TPD52L1: variants seen among roughly 807,000 people sequenced by gnomAD.
The protein encoded by TPD52L1 is TPD52 like 1.
A neutral mutation model predicts 28.7 loss-of-function variants in TPD52L1; 18 were observed. The ratio of observed to expected loss-of-function variants is 0.63; its 90% CI spans 0.43 to 0.93. The LOEUF (loss-of-function observed/expected upper bound fraction) is 0.93, where lower values mean the gene tolerates loss of function less well. Ranked by LOEUF, TPD52L1 falls within the 40% of genes least tolerant of loss-of-function variation. The pLI is 0.00. For synonymous variants in TPD52L1, 75 were observed against 88.8 expected, an observed-to-expected ratio of 0.84 and a Z score of 0.88; for missense variants, 203 against 254.8, an observed-to-expected ratio of 0.80 and a Z score of 1.39.
chr6:125,253,552 C>A, intron 4 of TPD52L1, 165 bp from the exon 5 acceptor site: 1 of 636,952 alleles, frequency 1.6e-6, no homozygotes, highest in Non-Finnish European at 2.7e-6. Context: ...CTGACTATAC[C>A]CATTATACCC....
chr6:125,211,662 G>A (rs1040125301), intron 1 of TPD52L1, among the ~76,000 whole-genome samples: 6 of 152,154 alleles, frequency 3.9e-5, no homozygotes, highest in South Asian at 2.1e-4. Flanking sequence ...AGCATGTCAC[G>A]CATTAGAGTT....
chr6:125,178,952 C>A lies in TPD52L1; in HGVS notation c.19+24982C>A, dbSNP rs1011697717. On this transcript the variant is annotated intron_variant, in intron 1 of 6. Transcript: ENST00000534000. The stretch of plus-strand genomic sequence containing the variant: ...AACTTATTATTGTTTGTCCACAACT[C>A]CCTGACTTCCAAAGGGAAACTTGTA... Among the ~76,000 whole-genome samples the A allele has an allele frequency of 2.0e-5, 3 of 152,272 alleles. No individual in the cohort carries two copies. The East Asian group carries it at 5.8e-4, about 29-fold the overall frequency.
intron 1 of TPD52L1, among the ~76,000 whole-genome samples, chr6:125,175,637 A>G (rs1050535352): frequency 1.3e-5 from 2 of 152,276 alleles, no homozygotes; most frequent in East Asian, 1.9e-4. Flanking sequence ...GGGAGAGAGG[A>G]CAATATGCCT....
chr6:125,244,345 A>G (rs955260011), intron 3 of TPD52L1, among the ~76,000 whole-genome samples: 3 of 152,148 alleles, frequency 2.0e-5, no homozygotes, highest in Non-Finnish European at 4.4e-5. Flanking sequence ...TAGATGTAAT[A>G]CCCAATGGTG....
At chr6:125,236,354 C>T (rs916547666) in intron 3 of TPD52L1, among the ~76,000 whole-genome samples, 3 of 152,162 alleles carry the variant, frequency 2.0e-5, no homozygotes, top group African/African-American at 7.2e-5. Flanking sequence ...CAGATCACTG[C>T]ATATGCTCAC....
At position 125,209,236 on chromosome 6, in the gene TPD52L1, A is replaced by G. The variant is rs141066250; in HGVS notation, c.20-10842A>G. On this transcript the variant is annotated intron_variant, in intron 1 of 6. Coordinates refer to ENST00000534000, the MANE Select transcript of TPD52L1 (RefSeq NM_003287.4). The stretch of plus-strand genomic sequence containing the variant: ...CCTATGCTCTCAGGAGGCCCTAGCC[A>G]TGAAGGGCCAGGCACATTGAACCCA... Among the ~76,000 whole-genome samples, 246 of 152,346 alleles carry G rather than the reference A, an allele frequency of 1.6e-3. 1 individual carries two copies. The highest frequency in any genetic ancestry group is 5.8e-3 in the African/African-American group (242 of 41,592).
intron 5 of TPD52L1, 162 bp downstream of exon 5, chr6:125,253,917 T>A (rs972626225): frequency 1.2e-6 from 1 of 804,406 alleles, no homozygotes; most frequent in Non-Finnish European, 2.2e-6. Context: ...TTGCGTAGCT[T>A]GGGCTTTTGA....
intron 1 of TPD52L1, among the ~76,000 whole-genome samples, chr6:125,158,513 A>G (rs1243564691): frequency 6.6e-6 from 1 of 152,236 alleles, no homozygotes; most frequent in Non-Finnish European, 1.5e-5. Flanking sequence ...GGCAGTTTAT[A>G]TGGATACTTG....
chr6:125,226,075 A>G (rs1346611885), intron 2 of TPD52L1, among the ~76,000 whole-genome samples: 1 of 152,156 alleles, frequency 6.6e-6, no homozygotes, highest in Non-Finnish European at 1.5e-5. Context: ...GCCTTTTGGA[A>G]CCTTACACGT....
At chr6:125,191,450 A>C (rs962868480) in intron 1 of TPD52L1, among the ~76,000 whole-genome samples, 3 of 152,180 alleles carry the variant, frequency 2.0e-5, no homozygotes, top group African/African-American at 7.2e-5. Context: ...TTTTGAAAGG[A>C]AATGGTGAAG....
intron 2 of TPD52L1, among the ~76,000 whole-genome samples, chr6:125,228,566 C>T (rs142087731): frequency 3.3e-5 from 5 of 152,248 alleles, no homozygotes; most frequent in African/African-American, 7.2e-5. Flanking sequence ...TGAGACCAGG[C>T]GTGGTGGCTC....
chr6:125,231,924 G>A (rs1221559838), intron 3 of TPD52L1, among the ~76,000 whole-genome samples: 1 of 152,156 alleles, frequency 6.6e-6, no homozygotes, highest in Non-Finnish European at 1.5e-5. Context: ...CGTAAAGGCT[G>A]CAGGACAGCA....
chr6:125,219,862 T>G, intron 1 of TPD52L1: 3 of 554,216 alleles, frequency 5.4e-6, no homozygotes, highest in Non-Finnish European at 6.5e-6. Flanking sequence ...TGCCTTCTCA[T>G]TTTCTCTTAA....
At chr6:125,157,978 G>A (rs533115583) in intron 1 of TPD52L1, among the ~76,000 whole-genome samples, 3 of 152,170 alleles carry the variant, frequency 2.0e-5, no homozygotes, top group African/African-American at 7.2e-5. Context: ...CCCTCTTTCA[G>A]TTCCTGGTGG....
chr6:125,197,850 A>G (rs944523296), intron 1 of TPD52L1, among the ~76,000 whole-genome samples: 2 of 152,176 alleles, frequency 1.3e-5, no homozygotes, highest in Admixed American at 6.5e-5. Context: ...GGATGTTACA[A>G]CAGGGTGTGA....
At chr6:125,186,880 A>G (rs746757252) in intron 1 of TPD52L1, among the ~76,000 whole-genome samples, 1 of 152,200 alleles carries the variant, frequency 6.6e-6, no homozygotes, top group African/African-American at 2.4e-5. Flanking sequence ...GAAAAATGAG[A>G]TGATCAAGTA....
In TPD52L1 at chr6:125,169,393, G is replaced by A. The variant is rs1352015327; in HGVS notation, c.19+15423G>A. Among the ~76,000 whole-genome samples, 7 of 151,978 alleles carry A rather than the reference G, an allele frequency of 4.6e-5. No homozygotes were observed. In the East Asian group the frequency reaches 7.8e-4, roughly 17 times the overall value. On this transcript the variant is annotated intron_variant, in intron 1 of 6. Coordinates refer to ENST00000534000, the MANE Select transcript of TPD52L1 (RefSeq NM_003287.4). ...CAACTTCAGACTGCCTACATGATACGTCTGCATGGGTGTCTGATCAACATC... is the reference window on the plus strand; with the variant it reads ...CAACTTCAGACTGCCTACATGATACATCTGCATGGGTGTCTGATCAACATC...
chr6:125,199,591 T>C (rs1268060257), intron 1 of TPD52L1, among the ~76,000 whole-genome samples: 1 of 152,030 alleles, frequency 6.6e-6, no homozygotes, highest in Non-Finnish European at 1.5e-5. Flanking sequence ...AGGCTGAGGC[T>C]GGAGAATCAC....
chr6:125,179,626 T>C (rs1792055386), intron 1 of TPD52L1, among the ~76,000 whole-genome samples: 1 of 152,242 alleles, frequency 6.6e-6, no homozygotes, highest in Admixed American at 6.5e-5. Flanking sequence ...GTTTTATTTT[T>C]ACAATACTGA....
Sources: allele counts gnomAD v4.1 joint callset (sites outside exome capture counted in the v4.1 genomes callset), GRCh38; gene constraint gnomAD v4.1.1; transcripts MANE v1.5; gene names NCBI Gene and HGNC (gene_info 2026-07-23, HGNC 2026-07-21).